AGO2: variants seen among roughly 807,000 people sequenced by gnomAD.
AGO2 encodes argonaute RISC catalytic component 2.
In AGO2, 5 loss-of-function variants were observed where a neutral mutation model predicts 102.3. The observed-to-expected ratio is 0.05, with a 90% CI of 0.03 to 0.10. The LOEUF (loss-of-function observed/expected upper bound fraction) is 0.10. Among genes scored for constraint, AGO2 ranks in the 10% least tolerant of loss-of-function variants. The probability of loss-of-function intolerance (pLI) is 1.00; values close to 1 mark genes in which losing one functional copy is unlikely to be tolerated. For synonymous variants in AGO2, 449 were observed against 473.1 expected (o/e 0.95, Z 0.66); for missense variants, 541 against 1,183.7 (o/e 0.46, Z 7.97).
At position 140,525,116 on chromosome 8, in the gene AGO2, A is replaced by G. The variant is rs2072479407; in HGVS notation, c.*6928T>C. 6.6e-6 allele frequency: 1 copy of G among 152,264 alleles called. No homozygotes were observed. Among genetic ancestry groups the G allele is most frequent in the African/African-American group, 2.4e-5 (1 of 41,468 alleles). 9.4% of individuals were successfully genotyped at this position (152,264 alleles called of 1,614,324 possible). On this transcript the variant is annotated 3_prime_UTR_variant, in exon 19 of 19. Coordinates refer to ENST00000220592, the MANE Select transcript of AGO2 (RefSeq NM_012154.5). ...ACCCACAGCATTTAAAAACCTAACA[A>G]CACATCTAACATTTCCACACCAACC...
chr8:140,599,838 C>T (rs2073906298), intron 1 of AGO2, among the ~76,000 whole-genome samples: 1 of 152,184 alleles, frequency 6.6e-6, no homozygotes, highest in East Asian at 1.9e-4. Context: ...CCTCCTGCCT[C>T]GGCCTCCAGA....
intron 4 of AGO2, among the ~76,000 whole-genome samples, chr8:140,560,811 C>G (rs892128913): frequency 7.2e-5 from 11 of 152,340 alleles, no homozygotes; most frequent in African/African-American, 2.6e-4. Flanking sequence ...GGTCCAGACT[C>G]CCTGTCCTGG....
In AGO2 at chr8:140,544,342, C is replaced by T. The variant is rs144822617; in HGVS notation, c.1749-39G>A. ...TGGCGTCAGGGGCCACGGTGAGACACGCCTGGACCTCTGACGCTAGTAGGT... is the reference window on the plus strand; with the variant it reads ...TGGCGTCAGGGGCCACGGTGAGACATGCCTGGACCTCTGACGCTAGTAGGT... On this transcript the variant is annotated intron_variant, in intron 13 of 18. Coordinates refer to ENST00000220592, the MANE Select transcript of AGO2 (RefSeq NM_012154.5). The T allele has an allele frequency of 3.8e-4, 590 of 1,550,828 alleles. 3 individuals are homozygous for T. In the East Asian group the frequency reaches 0.012, roughly 31 times the overall value.
At chr8:140,588,420 A>ATT (rs34797775) in intron 1 of AGO2, among the ~76,000 whole-genome samples, 119,854 of 151,868 alleles carry the variant, frequency 0.79, 47,594 homozygotes, top group Admixed American at 0.84. Context: ...GTGTAATAGC[A>ATT]GTGTGTAAAT....
chr8:140,610,124 G>GCCTCA (rs1461179127), intron 1 of AGO2, among the ~76,000 whole-genome samples: 1 of 151,508 alleles, frequency 6.6e-6, no homozygotes, highest in Non-Finnish European at 1.5e-5. Flanking sequence ...AGGATTGCTT[G>GCCTCA]AGCCAGGGAT....
At chr8:140,610,226 C>G (rs572748685) in intron 1 of AGO2, among the ~76,000 whole-genome samples, 27 of 151,900 alleles carry the variant, frequency 1.8e-4, no homozygotes, top group African/African-American at 6.3e-4. Flanking sequence ...CAAACACCCC[C>G]AAAACCAAAA....
upstream of AGO2, chr8:140,638,338 C>G (rs2074422834): frequency 6.6e-6 from 1 of 152,242 alleles, no homozygotes; most frequent in South Asian, 2.1e-4. Context: ...TTGGGAAGCA[C>G]TGGATCAAAC....
At chr8:140,642,011 C>T in the AGO2 span, among the ~76,000 whole-genome samples, 1 of 151,460 alleles carries the variant, frequency 6.6e-6, no homozygotes, top group Non-Finnish European at 1.5e-5. Flanking sequence ...CACTGTACGT[C>T]AGCCTGGTCA....
At chr8:140,535,317 G>T in intron 17 of AGO2, 151 bp downstream of exon 17, 1 of 777,522 alleles carries the variant, frequency 1.3e-6, no homozygotes, top group Non-Finnish European at 2.1e-6. Flanking sequence ...CCAGCGCCTG[G>T]CACAGCCTGG....
chr8:140,580,662 G>C (rs1008219899), intron 2 of AGO2, among the ~76,000 whole-genome samples: 2 of 152,274 alleles, frequency 1.3e-5, no homozygotes, highest in Non-Finnish European at 2.9e-5. Context: ...TGATGTGTGA[G>C]CGGGGGGTCT....
At chr8:140,630,341 A>G (rs1374121791) in intron 1 of AGO2, among the ~76,000 whole-genome samples, 1 of 152,244 alleles carries the variant, frequency 6.6e-6, no homozygotes, top group African/African-American at 2.4e-5. Context: ...GGAAGCTCCC[A>G]GCACAAATGC....
intron 1 of AGO2, among the ~76,000 whole-genome samples, chr8:140,596,105 T>C (rs1456342567): frequency 6.7e-6 from 1 of 149,238 alleles, no homozygotes; most frequent in Non-Finnish European, 1.5e-5. Flanking sequence ...TGCCTCGGCC[T>C]CCCAAAGTGT....
At chr8:140,561,977 T>C (rs1377481946) in intron 4 of AGO2, among the ~76,000 whole-genome samples, 1 of 152,188 alleles carries the variant, frequency 6.6e-6, no homozygotes, top group East Asian at 1.9e-4. Context: ...ACTGCTCCCC[T>C]ACACCCTCTC....
At chr8:140,607,531 T>A (rs1293007791) in intron 1 of AGO2, among the ~76,000 whole-genome samples, 1 of 129,776 alleles carries the variant, frequency 7.7e-6, no homozygotes, top group Non-Finnish European at 1.6e-5. Context: ...CACACACACG[T>A]ATGGAAAAAA....
chr8:140,608,738 CGTCCTGCATCAGACGAAAGCAGTGAGGG>C (rs1394101395), intron 1 of AGO2, among the ~76,000 whole-genome samples: 1 of 152,246 alleles, frequency 6.6e-6, no homozygotes, highest in East Asian at 1.9e-4. Context: ...ACCCCTTAAA[CGTCCTGCATCAGACGAAAGCAGTGAGGG>C]GTGTCCCTGC....
intron 1 of AGO2, among the ~76,000 whole-genome samples, chr8:140,602,992 C>T (rs2073951835): frequency 6.6e-6 from 1 of 152,296 alleles, no homozygotes; most frequent in Admixed American, 6.5e-5. Context: ...GATCACAGGC[C>T]GTGCCACGTG....
intron 1 of AGO2, among the ~76,000 whole-genome samples, chr8:140,598,009 G>A (rs949865223): frequency 3.9e-5 from 6 of 152,216 alleles, no homozygotes; most frequent in African/African-American, 7.2e-5. Flanking sequence ...GCTGTAGGGC[G>A]CACAGCTCTC....
intron 1 of AGO2, among the ~76,000 whole-genome samples, chr8:140,623,617 CCT>C (rs1207885529): frequency 1.3e-5 from 2 of 152,042 alleles, no homozygotes; most frequent in African/African-American, 4.8e-5. Context: ...CTGCGTGCCC[CCT>C]GATGTGGCCA....
intron 3 of AGO2, among the ~76,000 whole-genome samples, chr8:140,563,646 C>G (rs968567332): frequency 1.3e-5 from 2 of 152,214 alleles, no homozygotes; most frequent in Non-Finnish European, 2.9e-5. Flanking sequence ...GAAGGCCTTC[C>G]CACTCCATGT....
Sources: gnomAD v4.1 joint callset for allele counts (sites outside exome capture counted in the v4.1 genomes callset) on GRCh38, gnomAD v4.1.1 for gene constraint, MANE v1.5 for transcripts, NCBI Gene and HGNC (gene_info 2026-07-23, HGNC 2026-07-21) for gene names.